Variants in NRXN1 observed in about 807,000 individuals in gnomAD.
NRXN1 encodes the protein neurexin-1.
A neutral mutation model predicts 150.9 loss-of-function variants in NRXN1; 39 were observed. The ratio of observed to expected loss-of-function variants is 0.26; its 90% CI spans 0.20 to 0.34. NRXN1 has a LOEUF of 0.34. Ranked by LOEUF, NRXN1 falls within the 10% of genes least tolerant of loss-of-function variation. NRXN1 has a pLI of 1.00. For missense variants in NRXN1, 1,815 were observed against 1,949.9 expected (o/e 0.93, Z 1.30); for synonymous variants, 924 against 757.0 (o/e 1.22, Z -3.62).
At chr2:50,404,903 G>C (rs1306087369) in intron 17 of NRXN1, among the ~76,000 whole-genome samples, 3 of 152,054 alleles carry the variant, frequency 2.0e-5, no homozygotes, top group South Asian at 2.1e-4. Context: ...ATTGAACAGA[G>C]TTCAAAAGAG....
At chr2:50,558,739 A>C (rs888377663) in intron 8 of NRXN1, among the ~76,000 whole-genome samples, 2 of 152,172 alleles carry the variant, frequency 1.3e-5, no homozygotes, top group African/African-American at 4.8e-5. Context: ...ATTTGTTTAA[A>C]ATGCAGTTAA....
At chr2:50,037,562 A>G (rs1029741342) in intron 21 of NRXN1, among the ~76,000 whole-genome samples, 3 of 152,170 alleles carry the variant, frequency 2.0e-5, no homozygotes, top group African/African-American at 4.8e-5. Flanking sequence ...CTGAGATTTC[A>G]TTAAAGATAC....
intron 17 of NRXN1, among the ~76,000 whole-genome samples, chr2:50,331,964 AAGGT>A (rs2076865243): frequency 6.6e-6 from 1 of 152,316 alleles, no homozygotes; most frequent in Admixed American, 6.5e-5. Context: ...AGAATCTTTA[AAGGT>A]ACAACCTAGG....
chr2:50,273,566 A>C (rs1558426027), intron 17 of NRXN1, among the ~76,000 whole-genome samples: 1 of 152,104 alleles, frequency 6.6e-6, no homozygotes, highest in Admixed American at 6.6e-5. Context: ...ATTAAATTTA[A>C]ATTTGGTATA....
Position 51,026,384 on chromosome 2 carries a change from C to T in NRXN1, c.772+1118G>A, listed in dbSNP as rs201194822. ...CCACTCACTCACTTTCTGTTAGAGG[C>T]TTTGCTGTATTTATACAACAGTATT... On this transcript the variant is annotated intron_variant, in intron 2 of 22. Coordinates refer to ENST00000401669, the MANE Select transcript of NRXN1 (RefSeq NM_001330078.2). 4.6e-5 allele frequency: 73 copies of T among 1,592,454 alleles called. No homozygotes were observed. The African/African-American group carries it at 8.2e-4, about 18-fold the overall frequency.
At chr2:50,612,375 T>C (rs1385436301) in intron 8 of NRXN1, among the ~76,000 whole-genome samples, 1 of 152,128 alleles carries the variant, frequency 6.6e-6, no homozygotes, top group African/African-American at 2.4e-5. Flanking sequence ...ACCAAAAACT[T>C]GTTTTTTTTC....
intron 5 of NRXN1, among the ~76,000 whole-genome samples, chr2:50,730,676 T>TC (rs1554023020): frequency 2.8e-5 from 4 of 144,402 alleles, no homozygotes; most frequent in African/African-American, 5.1e-5. Context: ...TGTTTTCTTT[T>TC]TTTTTTTTTT....
At chr2:50,932,285 G>A (rs1206215241) in intron 2 of NRXN1, among the ~76,000 whole-genome samples, 1 of 151,882 alleles carries the variant, frequency 6.6e-6, no homozygotes, top group African/African-American at 2.4e-5. Flanking sequence ...CTACTCAGGA[G>A]GCTGAGGAAG....
chr2:50,753,976 G>GGT (rs1301958909), intron 5 of NRXN1, among the ~76,000 whole-genome samples: 1 of 120,736 alleles, frequency 8.3e-6, no homozygotes, highest in African/African-American at 3.2e-5. Context: ...GGGGGGGGCG[G>GGT]AATTCCCAAT....
intron 21 of NRXN1, among the ~76,000 whole-genome samples, chr2:50,031,308 G>A (rs1007287906): frequency 2.6e-5 from 4 of 151,756 alleles, no homozygotes; most frequent in African/African-American, 7.3e-5. Flanking sequence ...TTTTAAAAAC[G>A]TAACATCCTT....
intron 12 of NRXN1, among the ~76,000 whole-genome samples, chr2:50,516,147 T>G (rs536535205): frequency 6.6e-6 from 1 of 152,320 alleles, no homozygotes; most frequent in Non-Finnish European, 1.5e-5. Flanking sequence ...TAAATGGCAC[T>G]TCTAAATTTT....
chr2:50,516,328 A>C (rs1305672140), intron 12 of NRXN1, among the ~76,000 whole-genome samples: 1 of 152,212 alleles, frequency 6.6e-6, no homozygotes, highest in South Asian at 2.1e-4. Context: ...GTGTGACTGC[A>C]TAAGTTGTAT....
At chr2:50,398,183 A>T (rs896093745) in intron 17 of NRXN1, among the ~76,000 whole-genome samples, 1 of 152,128 alleles carries the variant, frequency 6.6e-6, no homozygotes, top group Non-Finnish European at 1.5e-5. Flanking sequence ...AACTCCCAGC[A>T]CTTGTAGAAC....
At chr2:50,404,961 T>G (rs958310938) in intron 17 of NRXN1, among the ~76,000 whole-genome samples, 1 of 152,082 alleles carries the variant, frequency 6.6e-6, no homozygotes, top group Non-Finnish European at 1.5e-5. Context: ...CACACTCTTC[T>G]CTTGCCAAAA....
At chr2:50,265,949 TTTTA>T (rs2068784229) in intron 17 of NRXN1, among the ~76,000 whole-genome samples, 2 of 149,674 alleles carry the variant, frequency 1.3e-5, no homozygotes, top group Admixed American at 6.7e-5. Context: ...CAATTTTTTA[TTTTA>T]TTTATTTCTT....
intron 5 of NRXN1, among the ~76,000 whole-genome samples, chr2:50,701,061 C>T (rs1019055794): frequency 7.9e-5 from 12 of 152,138 alleles, no homozygotes; most frequent in Non-Finnish European, 5.9e-5. Flanking sequence ...GTTAGACACC[C>T]TGCTCTTTGA....
intron 17 of NRXN1, among the ~76,000 whole-genome samples, chr2:50,271,041 G>A (rs181285014): frequency 1.3e-5 from 2 of 152,180 alleles, no homozygotes; most frequent in Admixed American, 1.3e-4. Flanking sequence ...ATGCACAACT[G>A]CATAGTTACA....
intron 17 of NRXN1, among the ~76,000 whole-genome samples, chr2:50,271,275 G>A (rs1381666219): frequency 3.3e-5 from 5 of 152,142 alleles, no homozygotes; most frequent in Admixed American, 6.6e-5. Flanking sequence ...ATGATTTAAA[G>A]AGGACAGAAT....
At chr2:50,036,105 C>A (rs547566420) in intron 21 of NRXN1, among the ~76,000 whole-genome samples, 1 of 152,092 alleles carries the variant, frequency 6.6e-6, no homozygotes, top group Non-Finnish European at 1.5e-5. Context: ...TACCCAAAAT[C>A]TCATCTTAAA....
Sources: allele counts gnomAD v4.1 joint callset (sites outside exome capture counted in the v4.1 genomes callset), GRCh38; gene constraint gnomAD v4.1.1; transcripts MANE v1.5; gene names NCBI Gene and HGNC (gene_info 2026-07-23, HGNC 2026-07-21).